GABRB2: variants seen among roughly 807,000 people sequenced by gnomAD.
The protein encoded by GABRB2 is gamma-aminobutyric acid receptor subunit beta-2.
GABRB2 carries 16 observed loss-of-function variants against 54.7 expected under a neutral mutation model. That is an observed-to-expected ratio of 0.29 (90% CI 0.20 to 0.44). The LOEUF is 0.44. Among genes scored for constraint, GABRB2 ranks in the 20% least tolerant of loss-of-function variants. GABRB2 has a pLI of 1.00. For missense variants in GABRB2, 355 were observed against 644.0 expected (o/e 0.55, Z 4.86); for synonymous variants, 244 against 233.8 (o/e 1.04, Z -0.40).
intron 5 of GABRB2, among the ~76,000 whole-genome samples, chr5:161,347,815 G>A (rs550633193): frequency 6.6e-6 from 1 of 152,184 alleles, no homozygotes; most frequent in East Asian, 1.9e-4. Context: ...AAAATCTAAT[G>A]GAGAATGCTG....
chr5:161,303,553 T>C (rs776272096), intron 9 of GABRB2, among the ~76,000 whole-genome samples: 3 of 152,138 alleles, frequency 2.0e-5, no homozygotes, highest in East Asian at 1.9e-4. Context: ...CAAGTGATGA[T>C]GGTTTTGCAG....
intron 4 of GABRB2, among the ~76,000 whole-genome samples, chr5:161,413,266 TTC>T (rs1187110508): frequency 1.3e-5 from 2 of 152,130 alleles, no homozygotes; most frequent in Non-Finnish European, 2.9e-5. Flanking sequence ...ATTACATTAT[TTC>T]TCTTTTTTTA....
At chr5:161,433,112 G>A (rs1170343885) in intron 4 of GABRB2, among the ~76,000 whole-genome samples, 3 of 152,020 alleles carry the variant, frequency 2.0e-5, no homozygotes, top group Non-Finnish European at 4.4e-5. Flanking sequence ...GATATAAGCT[G>A]TAACAGGTAT....
chr5:161,525,252 T>C (rs1344655849), intron 3 of GABRB2, among the ~76,000 whole-genome samples: 1 of 151,360 alleles, frequency 6.6e-6, no homozygotes, highest in Non-Finnish European at 1.5e-5. Context: ...AATAATGTTT[T>C]GGCCAACACG....
rs537733976 is a variant in GABRB2, at chr5:161,388,029, A to T, written c.541+22946T>A. On this transcript the variant is annotated intron_variant, in intron 5 of 9. Transcript: ENST00000393959. The stretch of plus-strand genomic sequence containing the variant: ...TCACAATACCGACAATAAAACTATT[A>T]TTTGGGATCATAAACTAAGAACATG... 5.3e-5 allele frequency among the ~76,000 whole-genome samples: 8 copies of T among 152,270 alleles called. 1 individual carries two copies. In the South Asian group the frequency reaches 1.7e-3, roughly 32 times the overall value.
intron 3 of GABRB2, among the ~76,000 whole-genome samples, chr5:161,522,621 A>G (rs896130879): frequency 1.3e-5 from 2 of 151,338 alleles, no homozygotes; most frequent in African/African-American, 4.8e-5. Context: ...GATTTTGAGG[A>G]TTTCAAGACT....
chr5:161,491,580 T>G (rs1383807141), intron 3 of GABRB2, among the ~76,000 whole-genome samples: 1 of 151,620 alleles, frequency 6.6e-6, no homozygotes, highest in Non-Finnish European at 1.5e-5. Flanking sequence ...CCATCAATAC[T>G]GCAATGATTG....
At chr5:161,500,708 A>C (rs1319267033) in intron 3 of GABRB2, among the ~76,000 whole-genome samples, 2 of 152,198 alleles carry the variant, frequency 1.3e-5, no homozygotes, top group African/African-American at 4.8e-5. Context: ...GAGATTATTG[A>C]TAAGTGAATT....
intron 4 of GABRB2, among the ~76,000 whole-genome samples, chr5:161,418,658 A>T (rs774746420): frequency 9.9e-5 from 15 of 152,224 alleles, no homozygotes; most frequent in Non-Finnish European, 1.6e-4. Flanking sequence ...ATTTAATTAA[A>T]CCAAAGGGCT....
At chr5:161,484,740 C>T (rs546538097) in intron 3 of GABRB2, among the ~76,000 whole-genome samples, 3 of 151,900 alleles carry the variant, frequency 2.0e-5, no homozygotes, top group East Asian at 1.9e-4. Flanking sequence ...TGTATTTAGG[C>T]CCCCATCATG....
intron 3 of GABRB2, among the ~76,000 whole-genome samples, chr5:161,474,234 CA>C (rs1318642903): frequency 6.6e-6 from 1 of 151,968 alleles, no homozygotes; most frequent in Non-Finnish European, 1.5e-5. Context: ...GCAAACCTTC[CA>C]AAGATCATCA....
At chr5:161,445,706 C>T (rs1264485438) in intron 4 of GABRB2, among the ~76,000 whole-genome samples, 2 of 152,146 alleles carry the variant, frequency 1.3e-5, no homozygotes, top group Non-Finnish European at 2.9e-5. Context: ...TTGATAATAA[C>T]TCTTTCAACC....
In GABRB2 at chr5:161,449,985, T is replaced by C. The variant is rs17059465; in HGVS notation, c.458+9639A>G. Among the ~76,000 whole-genome samples, 808 of 152,308 alleles carry C rather than the reference T, an allele frequency of 5.3e-3. 24 individuals are homozygous for C. The East Asian group carries it at 0.092, about 17-fold the overall frequency. On this transcript the variant is annotated intron_variant, in intron 4 of 9. Transcript: ENST00000393959. Reference sequence around the variant, plus strand: ...TATGTATATCAATGCTATATATAGATATTTTCAAAAGCCCATTAATAAAAT... The same window carrying C: ...TATGTATATCAATGCTATATATAGACATTTTCAAAAGCCCATTAATAAAAT...
chr5:161,426,827 C>T (rs1170266943), intron 4 of GABRB2, among the ~76,000 whole-genome samples: 5 of 151,888 alleles, frequency 3.3e-5, no homozygotes, highest in Admixed American at 1.3e-4. Context: ...AGGATTAAAG[C>T]GATCACACTT....
At chr5:161,385,417 A>G (rs1755594399) in intron 5 of GABRB2, among the ~76,000 whole-genome samples, 1 of 152,174 alleles carries the variant, frequency 6.6e-6, no homozygotes, top group Non-Finnish European at 1.5e-5. Context: ...CTTTTGGAAC[A>G]AACAGAAACA....
chr5:161,482,825 G>A lies in GABRB2; in HGVS notation c.238-22981C>T, dbSNP rs141914916. Reference sequence around the variant, plus strand: ...TTAATTGTTACTTATAAAAAGTTGTGAAAACTAGGCAGCAACTGTTCTATT... The same window carrying A: ...TTAATTGTTACTTATAAAAAGTTGTAAAAACTAGGCAGCAACTGTTCTATT... On this transcript the variant is annotated intron_variant, in intron 3 of 9. Coordinates refer to ENST00000393959, the MANE Select transcript of GABRB2 (RefSeq NM_001371727.1). 4.1e-3 allele frequency among the ~76,000 whole-genome samples: 624 copies of A among 152,062 alleles called. 9 individuals carry two copies. Among genetic ancestry groups the A allele is most frequent in the African/African-American group, 0.014 (601 of 41,516 alleles).
chr5:161,334,570 T>A (rs190308319), intron 7 of GABRB2, among the ~76,000 whole-genome samples, 182 bp downstream of exon 7: 63 of 152,328 alleles, frequency 4.1e-4, no homozygotes, highest in Non-Finnish European at 8.2e-4. Flanking sequence ...AGAGCTTTAC[T>A]TCGTGTTTAA....
At chr5:161,379,496 A>G (rs562344703) in intron 5 of GABRB2, among the ~76,000 whole-genome samples, 2 of 152,308 alleles carry the variant, frequency 1.3e-5, no homozygotes, top group African/African-American at 2.4e-5. Context: ...TCTCACAGCA[A>G]TCACAGAACA....
rs373792617 is a variant in GABRB2 at position 161,391,146 on chromosome 5, CTT to C, written c.541+19827_541+19828del. Reference sequence around the variant, plus strand: ...TTTAAACCTCCATATGTCACCCAAACTTAGGCAGAAAGAAACATGCAATGCAA... The same window carrying C: ...TTTAAACCTCCATATGTCACCCAAACAGGCAGAAAGAAACATGCAATGCAA... On this transcript the variant is annotated intron_variant, in intron 5 of 9. Coordinates refer to ENST00000393959, the MANE Select transcript of GABRB2 (RefSeq NM_001371727.1). 3.4e-4 allele frequency among the ~76,000 whole-genome samples: 52 copies of C among 152,242 alleles called. No homozygotes were observed. The East Asian group carries it at 9.8e-3, about 29-fold the overall frequency.
Sources: allele counts gnomAD v4.1 joint callset (sites outside exome capture counted in the v4.1 genomes callset), GRCh38; gene constraint gnomAD v4.1.1; transcripts MANE v1.5; gene names NCBI Gene and HGNC (gene_info 2026-07-23, HGNC 2026-07-21).